M1AP: variants seen among roughly 807,000 people sequenced by gnomAD.
The protein encoded by M1AP is meiosis 1 arrest protein.
M1AP carries 39 observed loss-of-function variants against 51.2 expected under a neutral mutation model. That is an observed-to-expected ratio of 0.76 (90% CI 0.59 to 1.00). M1AP has a LOEUF of 1.00. Ranked by LOEUF, M1AP falls within the 50% of genes least tolerant of loss-of-function variation. The probability of loss-of-function intolerance (pLI) is 0.00; values close to 1 mark genes in which losing one functional copy is unlikely to be tolerated. For missense variants in M1AP, 545 were observed against 641.2 expected (o/e 0.85, Z 1.62); for synonymous variants, 251 against 249.2 (o/e 1.01, Z -0.07).
intron 7 of M1AP, among the ~76,000 whole-genome samples, chr2:74,574,212 G>T (rs1364456470): frequency 6.6e-6 from 1 of 152,188 alleles, no homozygotes; most frequent in Non-Finnish European, 1.5e-5. Flanking sequence ...CATTCTATTT[G>T]CAGTTGTTTT....
chr2:74,595,335 C>T (rs900868875), intron 4 of M1AP, among the ~76,000 whole-genome samples: 5 of 152,000 alleles, frequency 3.3e-5, no homozygotes, highest in African/African-American at 7.3e-5. Flanking sequence ...TTTTAAAATA[C>T]ATGTTTGCTT....
chr2:74,599,883 T>C (rs1573121952), intron 4 of M1AP, among the ~76,000 whole-genome samples: 1 of 151,340 alleles, frequency 6.6e-6, no homozygotes, highest in East Asian at 1.9e-4. Context: ...CAGGCTGGAG[T>C]GCACTGATGC....
At chr2:74,581,608 C>G in intron 5 of M1AP, 66 bp downstream of exon 5, 2 of 1,508,770 alleles carry the variant, frequency 1.3e-6, no homozygotes, top group Non-Finnish European at 1.8e-6. Flanking sequence ...TGACTCACCA[C>G]CAATCTAGAG....
At position 74,615,109 on chromosome 2, in the gene M1AP, G is replaced by A; in HGVS notation, c.281C>T (p.Ser94Leu). ...TTCTCTCTGTAACATGCGGAGTTCT[G>A]AGATGCAGGTCTGCAACCTAGCAAA... ...GNFARLQTCI[S>L]ELRMLQREGC... Residue 94 changes from serine to leucine, a missense_variant, in exon 3 of 11, where the codon TCA (serine) becomes TTA (leucine). Ser to Leu is a moderately radical substitution (Grantham distance 145). Transcript: ENST00000421985. The A allele has an allele frequency of 6.2e-7, 1 of 1,614,204 alleles. No individual in the cohort carries two copies. Among genetic ancestry groups the A allele is most frequent in the Non-Finnish European group, 8.5e-7 (1 of 1,180,020 alleles).
chr2:74,628,353 C>A, intron 2 of M1AP: 1 of 375,940 alleles, frequency 2.7e-6, no homozygotes, highest in South Asian at 2.8e-5. Context: ...TCCAGTGTTT[C>A]GTCTTAAAAA....
intron 3 of M1AP, among the ~76,000 whole-genome samples, 170 bp from the exon 4 acceptor site, chr2:74,607,393 T>A (rs1681076219): frequency 6.6e-6 from 1 of 152,232 alleles, no homozygotes; most frequent in African/African-American, 2.4e-5. Flanking sequence ...ATCTGACAGA[T>A]TCTTGTGGGA....
chr2:74,623,724 T>G (rs1348511981), intron 2 of M1AP, among the ~76,000 whole-genome samples: 1 of 152,132 alleles, frequency 6.6e-6, no homozygotes, highest in Non-Finnish European at 1.5e-5. Flanking sequence ...CAGGCTGGAG[T>G]ACAGTGGCGT....
At chr2:74,577,148 T>G (rs1360898383) in intron 5 of M1AP, among the ~76,000 whole-genome samples, 1 of 152,208 alleles carries the variant, frequency 6.6e-6, no homozygotes, top group African/African-American at 2.4e-5. Flanking sequence ...GTGGGCTCGT[T>G]CAGGGACATT....
chr2:74,644,651 A>G (rs757790087), intron 1 of M1AP, among the ~76,000 whole-genome samples: 1 of 152,202 alleles, frequency 6.6e-6, no homozygotes, highest in East Asian at 1.9e-4. Flanking sequence ...TTCATTCAAC[A>G]TTTTTAAAAA....
intron 2 of M1AP, among the ~76,000 whole-genome samples, chr2:74,638,847 T>C (rs1256967669): frequency 6.6e-6 from 1 of 152,244 alleles, no homozygotes; most frequent in African/African-American, 2.4e-5. Flanking sequence ...TGTTTATTAA[T>C]TTAGACCACT....
At chr2:74,572,011 A>AG (rs1421193298) in intron 7 of M1AP, among the ~76,000 whole-genome samples, 4 of 152,122 alleles carry the variant, frequency 2.6e-5, no homozygotes, top group Admixed American at 1.3e-4. Flanking sequence ...AAAAAAAAAA[A>AG]AAAGAAAGAA....
Position 74,567,102 on chromosome 2 carries a change from T to C in M1AP, c.1075-4679A>G, listed in dbSNP as rs546014912. Among the ~76,000 whole-genome samples the C allele has an allele frequency of 2.0e-4, 30 of 152,374 alleles. 1 individual carries two copies. Among genetic ancestry groups the C allele is most frequent in the African/African-American group, 7.0e-4 (29 of 41,590 alleles). ...GATATTTTCCTGGCAATGGATAGAT[T>C]GATCTCATAAAGACTTGGAAAAAAT... On this transcript the variant is annotated intron_variant, in intron 7 of 10. Transcript: ENST00000421985.
intron 1 of M1AP, among the ~76,000 whole-genome samples, chr2:74,646,770 A>G (rs1683640352): frequency 6.6e-6 from 1 of 152,192 alleles, no homozygotes; most frequent in Non-Finnish European, 1.5e-5. Context: ...AGTTAGTAAG[A>G]AAGTTTTAGT....
rs1253165861 is a variant in M1AP at position 74,622,547 on chromosome 2, T to C, written c.241-7398A>G. 2.0e-5 allele frequency among the ~76,000 whole-genome samples: 3 copies of C among 150,656 alleles called. No individual in the cohort carries two copies. In the East Asian group the frequency reaches 5.8e-4, roughly 29 times the overall value. ...ACCGCGCCCGGCCATTGCCTGCTTT[T>C]TTTTTTTTTTTTTTTTCTATTTTTA... On this transcript the variant is annotated intron_variant, in intron 2 of 10. Transcript: ENST00000421985.
chr2:74,573,670 T>C (rs570559885), intron 7 of M1AP, among the ~76,000 whole-genome samples: 4 of 152,306 alleles, frequency 2.6e-5, no homozygotes, highest in African/African-American at 9.6e-5. Context: ...CTATAACTTT[T>C]CCCCTACTTA....
chr2:74,581,694 GA>G lies in M1AP; in HGVS notation c.748del (p.Ser250ProfsTer10). On this transcript the variant is annotated frameshift_variant, in exon 5 of 11. Coordinates refer to ENST00000421985, the MANE Select transcript of M1AP (RefSeq NM_001321739.2). LOFTEE classifies it high-confidence loss of function. ...TGTACTTGGATTATCTCTGGGTCTG[GA>G]AATGTTGCTGAAACACTGTGAAGAA... Reference protein sequence around the residue: ...LLSSQCFSNISRPRDNPMCLK... With the variant: ...LLSSQCFSNIXRPRDNPMCLK... The G allele has an allele frequency of 6.2e-7, 1 of 1,613,876 alleles. No individual in the cohort carries two copies. Among genetic ancestry groups the G allele is most frequent in the Non-Finnish European group, 8.5e-7 (1 of 1,179,842 alleles).
intron 4 of M1AP, among the ~76,000 whole-genome samples, chr2:74,605,163 G>T (rs1263204280): frequency 6.6e-6 from 1 of 152,094 alleles, no homozygotes; most frequent in East Asian, 1.9e-4. Flanking sequence ...TGATCTTTTT[G>T]GAGAGTTTTT....
chr2:74,646,369 G>C (rs927005272), intron 1 of M1AP, among the ~76,000 whole-genome samples: 11 of 152,242 alleles, frequency 7.2e-5, no homozygotes, highest in African/African-American at 2.7e-4. Context: ...CTGACTATGA[G>C]AGTGTTGACA....
At chr2:74,614,468 T>A (rs1681548241) in intron 3 of M1AP, among the ~76,000 whole-genome samples, 1 of 152,102 alleles carries the variant, frequency 6.6e-6, no homozygotes, top group African/African-American at 2.4e-5. Context: ...CCCAATGGAG[T>A]ATCCAGCCAT....
Sources: gnomAD v4.1 joint callset for allele counts (sites outside exome capture counted in the v4.1 genomes callset) on GRCh38, gnomAD v4.1.1 for gene constraint, MANE v1.5 for transcripts, NCBI Gene and HGNC (gene_info 2026-07-23, HGNC 2026-07-21) for gene names.